Variants in NUBPL observed in about 807,000 individuals in gnomAD.
NUBPL encodes iron-sulfur cluster transfer protein NUBPL.
Under a neutral mutation model 45.7 loss-of-function variants are expected in NUBPL, and 31 were observed. That is an observed-to-expected ratio of 0.68 (90% CI 0.51 to 0.92). NUBPL has a LOEUF of 0.92. Among genes scored for constraint, NUBPL ranks in the 40% least tolerant of loss-of-function variants. The pLI is 0.00. For missense variants in NUBPL, 401 were observed against 398.7 expected, an observed-to-expected ratio of 1.01 and a Z score of -0.05; for synonymous variants, 144 against 140.9, an observed-to-expected ratio of 1.02 and a Z score of -0.15.
At chr14:31,570,290 A>G (rs113957344) in intron 3 of NUBPL, among the ~76,000 whole-genome samples, 1,642 of 152,306 alleles carry the variant, frequency 0.011, 24 homozygotes, top group African/African-American at 0.037. Flanking sequence ...GAGAAAGTTT[A>G]ATTAAAGCAA....
intron 4 of NUBPL, among the ~76,000 whole-genome samples, chr14:31,639,087 G>A (rs902195149): frequency 2.6e-5 from 4 of 152,116 alleles, no homozygotes; most frequent in South Asian, 4.1e-4. Context: ...CTCTCAGCTC[G>A]TCAAAGTCAT....
At chr14:31,770,556 G>A (rs1434086356) in intron 6 of NUBPL, among the ~76,000 whole-genome samples, 1 of 152,308 alleles carries the variant, frequency 6.6e-6, no homozygotes, top group Non-Finnish European at 1.5e-5. Flanking sequence ...AGGAAGTTAC[G>A]AAACTTGTGA....
At chr14:31,641,199 C>T (rs1456781296) in intron 4 of NUBPL, among the ~76,000 whole-genome samples, 1 of 152,166 alleles carries the variant, frequency 6.6e-6, no homozygotes, top group Non-Finnish European at 1.5e-5. Flanking sequence ...ATCCTCCTGC[C>T]TCACCCTCCC....
In NUBPL at chr14:31,673,330, AAG is replaced by A. The variant is rs863224121; in HGVS notation, c.383-20_383-19del. On this transcript the variant is annotated intron_variant, in intron 4 of 10. Transcript: ENST00000281081. ...TATGTGTTGTGTTTTATTGTTCTAAAAGAGAGGATTTTTTTTTTTTCCAGGCA... is the reference window on the plus strand; with the variant it reads ...TATGTGTTGTGTTTTATTGTTCTAAAAGAGGATTTTTTTTTTTTCCAGGCA... 39,501 of 1,560,948 alleles carry A rather than the reference AAG, an allele frequency of 0.025. 5,673 individuals carry two copies. The African/African-American group carries it at 0.38, about 15-fold the overall frequency.
intron 6 of NUBPL, among the ~76,000 whole-genome samples, chr14:31,755,382 A>G (rs2038635837): frequency 6.6e-6 from 1 of 152,158 alleles, no homozygotes; most frequent in Admixed American, 6.5e-5. Context: ...CTTTTCAATG[A>G]TCACCATTCT....
chr14:31,608,364 G>A (rs1031343567), intron 4 of NUBPL, among the ~76,000 whole-genome samples: 12 of 152,086 alleles, frequency 7.9e-5, no homozygotes, highest in African/African-American at 2.9e-4. Context: ...GGCCAGCCTG[G>A]CCAGCATGGT....
chr14:31,802,209 A>G (rs1454465762), intron 7 of NUBPL, among the ~76,000 whole-genome samples: 2 of 152,178 alleles, frequency 1.3e-5, no homozygotes, highest in Non-Finnish European at 2.9e-5. Context: ...AGGTTGTAAT[A>G]TAATAAAAAC....
chr14:31,709,974 A>G (rs934079052), intron 6 of NUBPL, among the ~76,000 whole-genome samples: 6 of 152,184 alleles, frequency 3.9e-5, no homozygotes, highest in Non-Finnish European at 8.8e-5. Context: ...TTCTCCTTCA[A>G]TGAAAAGAAA....
In NUBPL at chr14:31,653,913, G is replaced by T. The variant is rs557482074; in HGVS notation, c.383-19442G>T. Among the ~76,000 whole-genome samples, 13 of 152,290 alleles carry T rather than the reference G, an allele frequency of 8.5e-5. No homozygotes were observed. The East Asian group carries it at 2.5e-3, about 29-fold the overall frequency. On this transcript the variant is annotated intron_variant, in intron 4 of 10. Transcript: ENST00000281081. ...TTTGTGTTCCTCTGCTGCGGCTCCA[G>T]CTGGTTCCTCTGTTCAGGGTCCCTG...
chr14:31,642,220 C>T (rs1167915117), intron 4 of NUBPL, among the ~76,000 whole-genome samples: 1 of 152,064 alleles, frequency 6.6e-6, no homozygotes, highest in Non-Finnish European at 1.5e-5. Context: ...CCTTGGTTGC[C>T]TGTACTTTTG....
At chr14:31,699,665 C>G (rs2037289820) in intron 6 of NUBPL, among the ~76,000 whole-genome samples, 1 of 152,054 alleles carries the variant, frequency 6.6e-6, no homozygotes, top group African/African-American at 2.4e-5. Flanking sequence ...TAAGAGTATT[C>G]TTTTGTTTCC....
intron 8 of NUBPL, among the ~76,000 whole-genome samples, chr14:31,837,850 T>C (rs1595696704): frequency 1.3e-5 from 2 of 152,176 alleles, no homozygotes; most frequent in East Asian, 3.9e-4. Context: ...GTAGAAAAGA[T>C]AGCTGGGCAC....
chr14:31,757,805 C>A (rs2038703807), intron 6 of NUBPL, among the ~76,000 whole-genome samples: 1 of 152,064 alleles, frequency 6.6e-6, no homozygotes, highest in South Asian at 2.1e-4. Flanking sequence ...TAACTCAAAC[C>A]CTTTTTTTAG....
intron 7 of NUBPL, among the ~76,000 whole-genome samples, chr14:31,792,623 A>G (rs1014654738): frequency 3.9e-5 from 6 of 152,216 alleles, no homozygotes; most frequent in African/African-American, 1.4e-4. Context: ...TAGATTTCCT[A>G]CACTGAAGTT....
intron 7 of NUBPL, among the ~76,000 whole-genome samples, chr14:31,810,711 A>C (rs1363371570): frequency 1.3e-5 from 2 of 152,112 alleles, no homozygotes; most frequent in Non-Finnish European, 2.9e-5. Flanking sequence ...TCTTCCTAGC[A>C]TCAATGGTCT....
intron 6 of NUBPL, among the ~76,000 whole-genome samples, chr14:31,723,595 ATTTG>A (rs1280097917): frequency 7.9e-5 from 12 of 152,110 alleles, no homozygotes; most frequent in African/African-American, 2.9e-4. Context: ...ATGTATTTCC[ATTTG>A]TTTGTGTCAT....
chr14:31,673,520 A>G lies in NUBPL; in HGVS notation c.459A>G (p.Pro153=). The change falls in exon 6 of 11, where the codon CCA becomes CCG. Residue 153 remains proline (P), a synonymous_variant. Transcript: ENST00000281081. ...GCTTTCTGGTTGAAGAAAGTGAACC[A>G]GTAGTTTGGAGAGGCCTTATGGTAA... ...SMGFLVEESE[P]VVWRGLMVMS... 1 of 1,613,924 alleles carries G rather than the reference A, an allele frequency of 6.2e-7. No individual in the cohort carries two copies. The highest frequency in any genetic ancestry group is 8.5e-7 in the Non-Finnish European group (1 of 1,179,916).
rs1422243595 is a variant in NUBPL at position 31,746,704 on chromosome 14, GA to G, written c.514-41074del. ...GAGTAGTGCTGATACCAGACTCATA[GA>G]ATGAGTTTGGAAGCATTCCTCCACT... On this transcript the variant is annotated intron_variant, in intron 6 of 10. Transcript: ENST00000281081. 8.5e-5 allele frequency among the ~76,000 whole-genome samples: 13 copies of G among 152,048 alleles called. No individual in the cohort carries two copies. The East Asian group carries it at 2.3e-3, about 27-fold the overall frequency.
chr14:31,564,137 C>T (rs994850919), intron 2 of NUBPL, among the ~76,000 whole-genome samples: 1 of 152,080 alleles, frequency 6.6e-6, no homozygotes, highest in Non-Finnish European at 1.5e-5. Flanking sequence ...ATTATGAGCG[C>T]CTATTTGTTG....
Sources: gnomAD v4.1 joint callset for allele counts (sites outside exome capture counted in the v4.1 genomes callset) on GRCh38, gnomAD v4.1.1 for gene constraint, MANE v1.5 for transcripts, NCBI Gene and HGNC (gene_info 2026-07-23, HGNC 2026-07-21) for gene names.